RBFOX3: variants seen among roughly 807,000 people sequenced by gnomAD.
RBFOX3 encodes RNA binding protein fox-1 homolog 3.
RBFOX3 carries 17 observed loss-of-function variants against 48.7 expected under a neutral mutation model. The ratio of observed to expected loss-of-function variants is 0.35; its 90% CI spans 0.24 to 0.52. The LOEUF (loss-of-function observed/expected upper bound fraction) is 0.52, where lower values mean the gene tolerates loss of function less well. Among genes scored for constraint, RBFOX3 ranks in the 20% least tolerant of loss-of-function variants. The probability of loss-of-function intolerance (pLI) is 0.94; values close to 1 mark genes in which losing one functional copy is unlikely to be tolerated. For missense variants in RBFOX3, 382 were observed against 497.5 expected (o/e 0.77, Z 2.21); for synonymous variants, 212 against 209.5 (o/e 1.01, Z -0.10).
At chr17:79,417,637 C>T (rs1047041461) in intron 2 of RBFOX3, among the ~76,000 whole-genome samples, 15 of 152,294 alleles carry the variant, frequency 9.8e-5, no homozygotes, top group East Asian at 3.9e-4. Flanking sequence ...TGGAAGATGG[C>T]GCCGCTGCTG....
intron 3 of RBFOX3, among the ~76,000 whole-genome samples, chr17:79,297,197 T>A (rs996481235): frequency 1.3e-5 from 2 of 152,096 alleles, no homozygotes; most frequent in African/African-American, 4.8e-5. Flanking sequence ...AAAAGCTGAA[T>A]AAGAATGACT....
At chr17:79,251,758 A>C (rs1356165531) in intron 3 of RBFOX3, among the ~76,000 whole-genome samples, 1 of 152,158 alleles carries the variant, frequency 6.6e-6, no homozygotes, top group Admixed American at 6.5e-5. Context: ...ACAGCTGCCC[A>C]CAGGCTCAGG....
At chr17:79,149,390 C>G (rs1420916437) in intron 4 of RBFOX3, among the ~76,000 whole-genome samples, 1 of 152,128 alleles carries the variant, frequency 6.6e-6, no homozygotes, top group Non-Finnish European at 1.5e-5. Flanking sequence ...CAGGCCCAGC[C>G]CCGGCCCCTC....
chr17:79,621,281 G>A, the RBFOX3 span, among the ~76,000 whole-genome samples: 15 of 152,162 alleles, frequency 9.9e-5, no homozygotes, highest in Non-Finnish European at 2.2e-4. Context: ...TTACAGGTGT[G>A]AGCCACCACG....
intron 2 of RBFOX3, among the ~76,000 whole-genome samples, chr17:79,407,776 G>A (rs1369865462): frequency 2.0e-5 from 3 of 152,292 alleles, no homozygotes; most frequent in East Asian, 1.9e-4. Flanking sequence ...GAGTAACACC[G>A]AGGCAAGAAT....
Position 79,220,921 on chromosome 17 carries a change from G to A in RBFOX3, c.-34+14845C>T, listed in dbSNP as rs2059646537. Among the ~76,000 whole-genome samples the A allele has an allele frequency of 6.6e-6, 1 of 152,128 alleles. No homozygotes were observed. Among genetic ancestry groups the A allele is most frequent in the Non-Finnish European group, 1.5e-5 (1 of 68,014 alleles). On this transcript the variant is annotated intron_variant, in intron 4 of 14. Transcript: ENST00000693108. This position sits in a 1 kb window ranked among gnomAD's most constrained non-coding sequence, Gnocchi z 5.9. ...TGGGTGCAGCAGGGGTGAGAGGGTG[G>A]AGTGCAGGGAGGTGGGGCCACCGCC...
At chr17:79,108,187 C>T (rs1368852058) in intron 5 of RBFOX3, among the ~76,000 whole-genome samples, 3 of 152,210 alleles carry the variant, frequency 2.0e-5, no homozygotes, top group Non-Finnish European at 4.4e-5. Flanking sequence ...TGGGACAGGA[C>T]GCCAGCCGAA....
chr17:79,662,413 C>T, the RBFOX3 span, among the ~76,000 whole-genome samples: 5 of 151,926 alleles, frequency 3.3e-5, no homozygotes, highest in South Asian at 2.1e-4. Flanking sequence ...TGAGCCACCG[C>T]GCCCGGCTGC....
intron 1 of RBFOX3, among the ~76,000 whole-genome samples, chr17:79,485,540 C>A (rs1167192377): frequency 6.6e-6 from 1 of 152,218 alleles, no homozygotes; most frequent in East Asian, 1.9e-4. Flanking sequence ...GCTCCTCCCC[C>A]ATCCAGCCTA....
intron 4 of RBFOX3, among the ~76,000 whole-genome samples, chr17:79,128,529 G>T (rs957947296): frequency 1.3e-5 from 2 of 152,096 alleles, no homozygotes; most frequent in African/African-American, 4.8e-5. Flanking sequence ...TGCTTCCTCC[G>T]CCCAGAAACA....
At chr17:79,574,745 AG>A (rs1411528402) in intron 1 of RBFOX3, among the ~76,000 whole-genome samples, 6 of 152,224 alleles carry the variant, frequency 3.9e-5, no homozygotes, top group Admixed American at 3.3e-4. Context: ...ACTTTAAAAA[AG>A]AAAAAAGGCT....
rs7225663 is a variant in RBFOX3, at chr17:79,395,063, C to G, written c.-174-87239G>C. Among the ~76,000 whole-genome samples the G allele has an allele frequency of 2.0e-5, 3 of 152,098 alleles. No individual in the cohort carries two copies. The South Asian group carries it at 6.2e-4, about 32-fold the overall frequency. On this transcript the variant is annotated intron_variant, in intron 2 of 14. Coordinates refer to ENST00000693108, the MANE Select transcript of RBFOX3 (RefSeq NM_001350451.2). ...TGGCCACAGCTGCTGTCATTCAGTG[C>G]GACTGATGGGGATCCAGGCCCGCAA... is the stretch of plus-strand genomic sequence containing the variant.
intron 4 of RBFOX3, among the ~76,000 whole-genome samples, chr17:79,139,941 A>G (rs2041576543): frequency 6.6e-6 from 1 of 152,080 alleles, no homozygotes; most frequent in Non-Finnish European, 1.5e-5. Context: ...GAGAAGCCAA[A>G]TAAGTCTCAG....
At chr17:79,359,286 CTTAAT>C (rs937693436) in intron 2 of RBFOX3, among the ~76,000 whole-genome samples, 8 of 152,216 alleles carry the variant, frequency 5.3e-5, no homozygotes, top group East Asian at 1.9e-4. Context: ...GGATATGCAG[CTTAAT>C]TTGAGTTTCA....
chr17:79,656,895 G>GGAGGGAAGGAAGGAAGGAA, the RBFOX3 span, among the ~76,000 whole-genome samples: 39 of 116,410 alleles, frequency 3.4e-4, no homozygotes, highest in African/African-American at 1.2e-3. Context: ...GAAGGAAGGA[G>GGAGGGAAGGAAGGAAGGAA]GGAAGGAAGG....
chr17:79,281,414 G>A (rs1018862312), intron 3 of RBFOX3, among the ~76,000 whole-genome samples: 2 of 151,826 alleles, frequency 1.3e-5, no homozygotes, highest in Admixed American at 6.6e-5. Context: ...GGAGCCGCAG[G>A]CTTGTGGTTT....
At chr17:79,112,852 C>T (rs1446860051) in intron 5 of RBFOX3, among the ~76,000 whole-genome samples, 1 of 128,488 alleles carries the variant, frequency 7.8e-6, no homozygotes, top group East Asian at 2.6e-4. Flanking sequence ...GTCCAGGGAG[C>T]GTCCAGGGGG....
intron 2 of RBFOX3, among the ~76,000 whole-genome samples, chr17:79,373,728 G>A (rs4145296): frequency 0.4 from 61,413 of 151,782 alleles, 13,544 homozygotes; most frequent in Admixed American, 0.54. Context: ...AGCAGGAGCC[G>A]GGCCTACCAC....
chr17:79,109,892 G>A (rs948708749), intron 5 of RBFOX3, among the ~76,000 whole-genome samples: 1 of 152,170 alleles, frequency 6.6e-6, no homozygotes, highest in Non-Finnish European at 1.5e-5. Flanking sequence ...TGAGTGGGAG[G>A]AGCCATGAGT....
Sources: allele counts gnomAD v4.1 joint callset (sites outside exome capture counted in the v4.1 genomes callset), GRCh38; gene constraint gnomAD v4.1.1; non-coding constraint Gnocchi (gnomAD v3.1); transcripts MANE v1.5; gene names NCBI Gene and HGNC (gene_info 2026-07-23, HGNC 2026-07-21).